The following TCF7L2 variants were observed in gnomAD, a reference collection of about 807,000 sequenced individuals.
TCF7L2 encodes the protein transcription factor 7 like 2.
In TCF7L2, 23 loss-of-function variants were observed where a neutral mutation model predicts 77.9. That is an observed-to-expected ratio of 0.30 (90% CI 0.21 to 0.42). The LOEUF (loss-of-function observed/expected upper bound fraction) is 0.42. Ranked by LOEUF, TCF7L2 falls within the 10% of genes least tolerant of loss-of-function variation. TCF7L2 has a pLI of 1.00. For missense variants in TCF7L2, 654 were observed against 793.1 expected, an observed-to-expected ratio of 0.82 and a Z score of 2.11; for synonymous variants, 413 against 340.2, an observed-to-expected ratio of 1.21 and a Z score of -2.36.
chr10:113,050,781 T>C (rs1260667858), intron 5 of TCF7L2, among the ~76,000 whole-genome samples: 1 of 152,164 alleles, frequency 6.6e-6, no homozygotes, highest in Non-Finnish European at 1.5e-5. Context: ...CCATCTCCAT[T>C]TTTAGTATAT....
intron 3 of TCF7L2, among the ~76,000 whole-genome samples, chr10:112,959,694 A>G (rs994554375): frequency 6.6e-6 from 1 of 152,128 alleles, no homozygotes; most frequent in African/African-American, 2.4e-5. Flanking sequence ...ACTTTTTATA[A>G]GGGCAGGCAG....
intron 3 of TCF7L2, among the ~76,000 whole-genome samples, chr10:112,956,383 CAAAT>C (rs2033631758): frequency 7.4e-6 from 1 of 135,584 alleles, no homozygotes; most frequent in African/African-American, 2.8e-5. Context: ...CTGGAGTTGC[CAAAT>C]AAATAAGCAC....
At chr10:113,154,916 C>T (rs1412512837) in intron 11 of TCF7L2, among the ~76,000 whole-genome samples, 1 of 151,784 alleles carries the variant, frequency 6.6e-6, no homozygotes, top group Non-Finnish European at 1.5e-5. Flanking sequence ...CGCTAGGGAA[C>T]ACTGGGACTA....
intron 5 of TCF7L2, 107 bp from the exon 6 acceptor site, chr10:113,141,077 A>G: frequency 7.0e-7 from 1 of 1,433,538 alleles, no homozygotes; most frequent in Admixed American, 1.9e-5. Context: ...ATCTTAGAAA[A>G]TCCAGGTGAG....
chr10:112,958,648 A>G (rs937391388), intron 3 of TCF7L2, among the ~76,000 whole-genome samples: 28 of 152,100 alleles, frequency 1.8e-4, no homozygotes, highest in African/African-American at 6.3e-4. Flanking sequence ...GAAGATAACT[A>G]GATTCCTTCG....
At chr10:113,111,868 T>C (rs61386406) in intron 5 of TCF7L2, among the ~76,000 whole-genome samples, 6,283 of 152,296 alleles carry the variant, frequency 0.041, 436 homozygotes, top group African/African-American at 0.14. Context: ...TCCTCTGAGC[T>C]TGTTTGTTTT....
At chr10:112,991,175 A>G (rs1445009626) in intron 4 of TCF7L2, among the ~76,000 whole-genome samples, 2 of 152,084 alleles carry the variant, frequency 1.3e-5, no homozygotes, top group Non-Finnish European at 2.9e-5. Context: ...AGATCTTGCT[A>G]GGGGGGTGGA....
chr10:113,142,936 G>A (rs137905348), intron 6 of TCF7L2, among the ~76,000 whole-genome samples: 1 of 152,224 alleles, frequency 6.6e-6, no homozygotes, highest in Non-Finnish European at 1.5e-5. Flanking sequence ...AGCAATGTCT[G>A]CATGAAAATG....
At chr10:113,117,422 TC>T (rs2063947782) in intron 5 of TCF7L2, among the ~76,000 whole-genome samples, 2 of 37,952 alleles carry the variant, frequency 5.3e-5, no homozygotes, top group Admixed American at 2.6e-4. Context: ...TCTCTCTCTC[TC>T]TCTCTCTCTC....
At chr10:112,957,508 A>T (rs188551918) in intron 3 of TCF7L2, among the ~76,000 whole-genome samples, 41 of 152,288 alleles carry the variant, frequency 2.7e-4, no homozygotes, top group African/African-American at 8.9e-4. Flanking sequence ...GGGAGGAGGC[A>T]CAGAAAAGTA....
In TCF7L2 at chr10:113,151,903, A is replaced by C; in HGVS notation, c.1161+19A>C. The C allele has an allele frequency of 1.3e-6, 2 of 1,519,354 alleles. No individual in the cohort carries two copies. The highest frequency in any genetic ancestry group is 8.9e-7 in the Non-Finnish European group (1 of 1,125,830). The allele number at this position is 1,519,354 out of a possible 1,614,324, so 94.1% of individuals were successfully genotyped here. A position where few individuals can be genotyped will look rare whatever the true frequency, so the allele number is the denominator to read the frequency against. On this transcript the variant is annotated intron_variant, in intron 10 of 13. Transcript: ENST00000627217. The surrounding 1 kb of genome is among the most constrained non-coding windows in gnomAD (Gnocchi z 5.2). ...GCGGAGGGTAGGTGACGCCCTTCTC[A>C]GGGAGAAGCGGGGGGCGGGTGGTGA...
At chr10:113,035,905 C>G (rs2051110197) in intron 4 of TCF7L2, among the ~76,000 whole-genome samples, 1 of 152,122 alleles carries the variant, frequency 6.6e-6, no homozygotes, top group Non-Finnish European at 1.5e-5. Flanking sequence ...GTGTGGGCCG[C>G]AAAGCCTAAG....
chr10:113,163,967 G>C (rs2073623383), intron 13 of TCF7L2, among the ~76,000 whole-genome samples: 1 of 152,250 alleles, frequency 6.6e-6, no homozygotes, highest in Non-Finnish European at 1.5e-5. Context: ...GACATTGTCT[G>C]ACAGTGGTTG....
chr10:113,164,670 G>T (rs1481995976), intron 13 of TCF7L2, among the ~76,000 whole-genome samples: 1 of 150,462 alleles, frequency 6.6e-6, no homozygotes, highest in Non-Finnish European at 1.5e-5. Context: ...AGTTATTCTC[G>T]TTCCTTTGAA....
At position 112,951,457 on chromosome 10, in the gene TCF7L2, G is replaced by T. The variant is rs374886764; in HGVS notation, c.257-26G>T. 3.6e-6 allele frequency: 5 copies of T among 1,398,490 alleles called. No homozygotes were observed. The African/African-American group carries it at 6.1e-5, about 17-fold the overall frequency. The allele number at this position is 1,398,490 out of a possible 1,614,324, so 86.6% of individuals were successfully genotyped here. A position where few individuals can be genotyped will look rare whatever the true frequency, so the allele number is the denominator to read the frequency against. On this transcript the variant is annotated intron_variant, in intron 2 of 13. Transcript: ENST00000627217. The stretch of plus-strand genomic sequence containing the variant: ...TCTCCCGCTCCGCGCGGCCGCCGCT[G>T]TCCCCTCGCCGCCCCGCCATGTTAG...
chr10:113,094,313 C>T (rs2135728704), intron 5 of TCF7L2, among the ~76,000 whole-genome samples: 1 of 152,282 alleles, frequency 6.6e-6, no homozygotes, highest in Middle Eastern at 3.4e-3. Context: ...TTCTAAAAAG[C>T]ATGTCATCAC....
At position 113,144,156 on chromosome 10, in the gene TCF7L2, C is replaced by T. The variant is rs945107527; in HGVS notation, c.788+131C>T. 1.1e-5 allele frequency: 9 copies of T among 833,180 alleles called. No individual in the cohort carries two copies. In the African/African-American group the frequency reaches 1.6e-4, roughly 14 times the overall value. The allele number at this position is 833,180 out of a possible 1,614,324, so 51.6% of individuals were successfully genotyped here. On this transcript the variant is annotated intron_variant, in intron 7 of 13. Coordinates refer to ENST00000627217, the MANE Select transcript of TCF7L2 (RefSeq NM_001146274.2). Reference sequence around the variant, plus strand: ...TGTGTGTATGTGTGTGTGTTAGAAGCCAGGGTTGGGGAGGGGGCTGCGGGA... The same window carrying T: ...TGTGTGTATGTGTGTGTGTTAGAAGTCAGGGTTGGGGAGGGGGCTGCGGGA...
intron 5 of TCF7L2, among the ~76,000 whole-genome samples, chr10:113,100,401 C>T (rs2061503203): frequency 6.6e-6 from 1 of 152,296 alleles, no homozygotes; most frequent in South Asian, 2.1e-4. Context: ...GAATGATCAG[C>T]TCTGCTCTGA....
intron 5 of TCF7L2, among the ~76,000 whole-genome samples, chr10:113,061,796 G>A (rs1000646795): frequency 2.6e-5 from 4 of 152,172 alleles, no homozygotes; most frequent in Admixed American, 6.5e-5. Flanking sequence ...GTTCGCTGGC[G>A]AACGCACTAG....
Sources: allele counts gnomAD v4.1 joint callset (sites outside exome capture counted in the v4.1 genomes callset), GRCh38; gene constraint gnomAD v4.1.1; non-coding constraint Gnocchi (gnomAD v3.1); transcripts MANE v1.5; gene names NCBI Gene and HGNC (gene_info 2026-07-23, HGNC 2026-07-21).